CYLD: variants seen among roughly 807,000 people sequenced by gnomAD.
CYLD encodes the protein CYLD lysine 63 deubiquitinase.
CYLD carries 26 observed loss-of-function variants against 104.5 expected under a neutral mutation model. That is an observed-to-expected ratio of 0.25 (90% CI 0.18 to 0.35). The LOEUF is 0.35. CYLD is among the 10% of genes least tolerant of loss of function. CYLD has a pLI of 1.00. For synonymous variants in CYLD, 385 were observed against 399.9 expected, an observed-to-expected ratio of 0.96 and a Z score of 0.45; for missense variants, 703 against 1,136.1, an observed-to-expected ratio of 0.62 and a Z score of 5.48.
At chr16:50,763,974 C>T (rs1049788563) in intron 5 of CYLD, among the ~76,000 whole-genome samples, 1 of 151,836 alleles carries the variant, frequency 6.6e-6, no homozygotes, top group Admixed American at 6.6e-5. Flanking sequence ...TTTTATCAAC[C>T]CCTTTTTCTC....
intron 5 of CYLD, among the ~76,000 whole-genome samples, chr16:50,765,830 GC>G (rs1968446525): frequency 8.4e-6 from 1 of 119,050 alleles, no homozygotes; most frequent in Non-Finnish European, 1.7e-5. Flanking sequence ...CCAGAGCAAG[GC>G]CCTAACTCTC....
In CYLD at chr16:50,800,239, C is replaced by T. The variant is rs551109634; in HGVS notation, c.*3731C>T. On this transcript the variant is annotated 3_prime_UTR_variant, in exon 19 of 19. Coordinates refer to ENST00000427738, the MANE Select transcript of CYLD (RefSeq NM_001378743.1). ...GGTCCTAGGCCATGCCTGCTGAATC[C>T]GACTGTTCAGGAAGAGGCCTAGGAA... 2.6e-5 allele frequency: 6 copies of T among 233,142 alleles called. No homozygotes were observed. The highest frequency in any genetic ancestry group is 1.3e-4 in the African/African-American group (6 of 45,416). 14.4% of individuals were successfully genotyped at this position (233,142 alleles called of 1,614,324 possible).
chr16:50,756,121 G>A (rs1054758862), intron 5 of CYLD, among the ~76,000 whole-genome samples: 2 of 152,098 alleles, frequency 1.3e-5, no homozygotes, highest in Non-Finnish European at 2.9e-5. Context: ...TTATTAAATA[G>A]GATATCCTTT....
At chr16:50,791,447 C>A in intron 14 of CYLD, 111 bp from the exon 15 acceptor site, 1 of 1,084,986 alleles carries the variant, frequency 9.2e-7, no homozygotes, top group Non-Finnish European at 1.4e-6. Flanking sequence ...CAAAGCTACA[C>A]CATCAATTTT....
At chr16:50,751,048 T>G (rs999637799) in intron 3 of CYLD, among the ~76,000 whole-genome samples, 1 of 152,236 alleles carries the variant, frequency 6.6e-6, no homozygotes, top group African/African-American at 2.4e-5. Context: ...TCTTCTTTGC[T>G]TCTTGATTTA....
At chr16:50,787,032 G>T (rs1487683057) in intron 13 of CYLD, 86 bp downstream of exon 13, 1 of 1,130,444 alleles carries the variant, frequency 8.8e-7, no homozygotes, top group Non-Finnish European at 1.3e-6. Context: ...TGTCTGTGTA[G>T]TTGGGGGGTT....
chr16:50,786,724 C>T (rs1970869869), intron 12 of CYLD, 131 bp from the exon 13 acceptor site: 4 of 687,818 alleles, frequency 5.8e-6, no homozygotes, highest in Non-Finnish European at 9.9e-6. Context: ...CGGGCCACTG[C>T]ACACTCCAGC....
At chr16:50,781,558 G>A in intron 10 of CYLD, 147 bp downstream of exon 10, 1 of 1,064,198 alleles carries the variant, frequency 9.4e-7, no homozygotes, top group Non-Finnish European at 1.4e-6. Context: ...ATGTTGCATG[G>A]TGTATAAGAA....
At chr16:50,787,669 A>G in intron 13 of CYLD, 117 bp from the exon 14 acceptor site, 2 of 615,098 alleles carry the variant, frequency 3.3e-6, no homozygotes, top group Non-Finnish European at 5.8e-6. Flanking sequence ...TTTTAATTGA[A>G]ATAATATTGG....
At chr16:50,795,209 G>GT (rs1971902983) in intron 18 of CYLD, among the ~76,000 whole-genome samples, 2 of 152,176 alleles carry the variant, frequency 1.3e-5, no homozygotes, top group African/African-American at 2.4e-5. Context: ...CAGTGCATAT[G>GT]TTTTTTTGTA....
chr16:50,752,647 CTG>C (rs1966725278), intron 4 of CYLD, among the ~76,000 whole-genome samples: 1 of 152,228 alleles, frequency 6.6e-6, no homozygotes, highest in Non-Finnish European at 1.5e-5. Flanking sequence ...AACCGAAACT[CTG>C]TGCCTGTTTT....
chr16:50,771,022 C>T (rs61406638), intron 5 of CYLD, among the ~76,000 whole-genome samples: 12,942 of 152,050 alleles, frequency 0.085, 719 homozygotes, highest in South Asian at 0.23. Flanking sequence ...GTGTCAAGTT[C>T]GACAACTTTT....
intron 3 of CYLD, among the ~76,000 whole-genome samples, chr16:50,751,172 C>T (rs1336511291): frequency 4.6e-5 from 7 of 152,204 alleles, no homozygotes; most frequent in Non-Finnish European, 1.0e-4. Context: ...TCTCATTCTG[C>T]ATCCTTACCT....
intron 13 of CYLD, 119 bp downstream of exon 13, chr16:50,787,065 T>A: frequency 1.2e-6 from 1 of 818,636 alleles, no homozygotes; most frequent in South Asian, 1.4e-5. Context: ...AGAAATTTCT[T>A]TTTATGTGAT....
chr16:50,742,880 G>T, intron 2 of CYLD, 39 bp downstream of exon 2: 3 of 396,076 alleles, frequency 7.6e-6, no homozygotes, highest in Non-Finnish European at 4.4e-6. Flanking sequence ...GTTAACAATC[G>T]AGGGGGGTGG....
chr16:50,768,737 C>T (rs1173867975), intron 5 of CYLD, among the ~76,000 whole-genome samples: 1 of 152,144 alleles, frequency 6.6e-6, no homozygotes. Flanking sequence ...TTTTCTAGTT[C>T]AACCTGTGTC....
chr16:50,787,264 G>T (rs984088798), intron 13 of CYLD: 15 of 330,118 alleles, frequency 4.5e-5, no homozygotes, highest in Non-Finnish European at 8.5e-5. Context: ...GTTGCATTGG[G>T]TTTTCTACAT....
intron 5 of CYLD, among the ~76,000 whole-genome samples, chr16:50,757,712 A>G (rs1057110212): frequency 2.0e-5 from 3 of 151,896 alleles, no homozygotes; most frequent in African/African-American, 4.8e-5. Context: ...AATGTTTTGT[A>G]TCTTTAGTAG....
intron 5 of CYLD, among the ~76,000 whole-genome samples, chr16:50,759,448 A>G (rs2150935686): frequency 6.6e-6 from 1 of 152,258 alleles, no homozygotes. Flanking sequence ...TTTTTCATTA[A>G]TTATTTCCTT....
Sources: allele counts gnomAD v4.1 joint callset (sites outside exome capture counted in the v4.1 genomes callset), GRCh38; gene constraint gnomAD v4.1.1; transcripts MANE v1.5; gene names NCBI Gene and HGNC (gene_info 2026-07-23, HGNC 2026-07-21).